The following ACTR1A variants were observed in gnomAD, a reference collection of about 807,000 sequenced individuals.
ACTR1A encodes alpha-centractin.
A neutral mutation model predicts 50.7 loss-of-function variants in ACTR1A; 10 were observed. That is an observed-to-expected ratio of 0.20 (90% CI 0.12 to 0.33). The LOEUF is 0.33. Among genes scored for constraint, ACTR1A ranks in the 10% least tolerant of loss-of-function variants. The pLI, the probability that ACTR1A is intolerant of heterozygous loss-of-function variation, is 1.00. For missense variants in ACTR1A, 253 were observed against 491.7 expected, an observed-to-expected ratio of 0.51 and a Z score of 4.59; for synonymous variants, 177 against 184.2, an observed-to-expected ratio of 0.96 and a Z score of 0.32.
At chr10:102,493,505 A>T (rs1423618186) in intron 1 of ACTR1A, among the ~76,000 whole-genome samples, 1 of 152,240 alleles carries the variant, frequency 6.6e-6, no homozygotes, top group Non-Finnish European at 1.5e-5. Context: ...TTATGAAGTC[A>T]GATTTGTTTT....
chr10:102,498,336 TTA>T (rs1239735148), intron 1 of ACTR1A, among the ~76,000 whole-genome samples: 14 of 151,570 alleles, frequency 9.2e-5, no homozygotes, highest in African/African-American at 1.7e-4. Flanking sequence ...TTTTTTTTTT[TTA>T]AAGGGGGCTG....
chr10:102,497,171 G>GAAAAAA (rs968687001), intron 1 of ACTR1A, among the ~76,000 whole-genome samples: 4 of 69,766 alleles, frequency 5.7e-5, no homozygotes, highest in East Asian at 4.0e-4. Flanking sequence ...TCCATCTCAG[G>GAAAAAA]AAAAAAAAAA....
At chr10:102,502,052 C>A (rs557558606) in intron 1 of ACTR1A, among the ~76,000 whole-genome samples, 1 of 152,338 alleles carries the variant, frequency 6.6e-6, no homozygotes, top group African/African-American at 2.4e-5. Context: ...AAAACTTAGC[C>A]GTTCTCCACC....
rs760796200 is a variant in ACTR1A, at chr10:102,502,690, G to A, written c.-43C>T. The A allele has an allele frequency of 6.2e-7, 1 of 1,610,522 alleles. No homozygotes were observed. The highest frequency in any genetic ancestry group is 8.5e-7 in the Non-Finnish European group (1 of 1,177,198). ...TTCTGGGGAAGGAACTGCCCAGCCG[G>A]GTCCGCCGCTAGCGCCACTGACACG... On this transcript the variant is annotated 5_prime_UTR_variant, in exon 1 of 11. Transcript: ENST00000369905.
rs1346692929 is a variant in ACTR1A, at chr10:102,479,690, C to T, written c.*1173G>A. 7.8e-7 allele frequency: 1 copy of T among 1,289,128 alleles called. No individual in the cohort carries two copies. Among genetic ancestry groups the T allele is most frequent in the African/African-American group, 1.5e-5 (1 of 65,874 alleles). The allele number at this position is 1,289,128 out of a possible 1,614,324, so 79.9% of individuals were successfully genotyped here. A position where few individuals can be genotyped will look rare whatever the true frequency, so the allele number is the denominator to read the frequency against. On this transcript the variant is annotated 3_prime_UTR_variant, in exon 11 of 11. Coordinates refer to ENST00000369905, the MANE Select transcript of ACTR1A (RefSeq NM_005736.4). The surrounding 1 kb of genome is among the most constrained non-coding windows in gnomAD (Gnocchi z 4.0). ...GAGGGGGCCTTCCCACCTCTACAAC[C>T]TAGTCCCCTGGTCAGCTACAGTGGC...
rs398014648 is a variant in ACTR1A at position 102,493,001 on chromosome 10, C to CAAAAAAAAAAAAAAAAAAAA, written c.49-2408_49-2389dup. On this transcript the variant is annotated intron_variant, in intron 1 of 10. Coordinates refer to ENST00000369905, the MANE Select transcript of ACTR1A (RefSeq NM_005736.4). ...AGGGAGACAGAGTGAGACTCCACCT[C>CAAAAAAAAAAAAAAAAAAAA]AAAAAAAAAAAAAAAAAAAAAAAGA... 9.6e-3 allele frequency among the ~76,000 whole-genome samples: 470 copies of CAAAAAAAAAAAAAAAAAAAA among 48,902 alleles called. 80 individuals are homozygous for CAAAAAAAAAAAAAAAAAAAA. Among genetic ancestry groups the CAAAAAAAAAAAAAAAAAAAA allele is most frequent in the Non-Finnish European group, 0.012 (352 of 29,652 alleles). The allele number at this position is 48,902 out of a possible 152,430, so 32.1% of individuals were successfully genotyped here.
rs1257064010 is a variant in ACTR1A, at chr10:102,488,409, G to C, written c.190-134C>G. 1 of 1,302,584 alleles carries C rather than the reference G, an allele frequency of 7.7e-7. No homozygotes were observed. The highest frequency in any genetic ancestry group is 1.1e-6 in the Non-Finnish European group (1 of 934,860). 80.7% of individuals were successfully genotyped at this position (1,302,584 alleles called of 1,614,324 possible). On this transcript the variant is annotated intron_variant, in intron 3 of 10. Transcript: ENST00000369905. The surrounding 1 kb of genome is among the most constrained non-coding windows in gnomAD (Gnocchi z 4.4). ...CCTGAGCTTCCACCCTGCTGTCCTT[G>C]CCCAGGGCTAAGGGTGGGCACTCAT...
intron 6 of ACTR1A, 109 bp downstream of exon 6, chr10:102,484,051 G>A (rs2062155273): frequency 9.7e-7 from 1 of 1,033,624 alleles, no homozygotes; most frequent in African/African-American, 1.6e-5. Flanking sequence ...GGCCTCACCA[G>A]GGACCCCCAG....
intron 1 of ACTR1A, among the ~76,000 whole-genome samples, chr10:102,491,433 G>C (rs1408852854): frequency 1.3e-5 from 2 of 152,206 alleles, no homozygotes; most frequent in South Asian, 4.1e-4. Flanking sequence ...CATGGAACAC[G>C]TGCTGTCTGG....
At chr10:102,481,062 T>G in intron 10 of ACTR1A, 70 bp downstream of exon 10, 1 of 1,589,814 alleles carries the variant, frequency 6.3e-7, no homozygotes, top group Non-Finnish European at 8.6e-7. Context: ...GGCTTTTCTT[T>G]AGAGGGTGCT....
At chr10:102,490,232 CAAAAAAAAAA>C (rs145472595) in intron 2 of ACTR1A, among the ~76,000 whole-genome samples, 2 of 45,728 alleles carry the variant, frequency 4.4e-5, no homozygotes, top group Non-Finnish European at 8.6e-5. Context: ...GACTCCGTCT[CAAAAAAAAAA>C]AAAAAAAAAA....
At chr10:102,498,058 C>G (rs1301687829) in intron 1 of ACTR1A, among the ~76,000 whole-genome samples, 1 of 151,056 alleles carries the variant, frequency 6.6e-6, no homozygotes, top group Non-Finnish European at 1.5e-5. Context: ...GCCAATGAGC[C>G]CCAACCTGGG....
intron 4 of ACTR1A, among the ~76,000 whole-genome samples, chr10:102,486,287 C>A (rs1434876690): frequency 1.3e-5 from 2 of 152,160 alleles, no homozygotes; most frequent in African/African-American, 4.8e-5. Context: ...GGAACAGCTT[C>A]ATCCTGAAAC....
At chr10:102,494,322 C>G (rs2062209310) in intron 1 of ACTR1A, among the ~76,000 whole-genome samples, 1 of 151,742 alleles carries the variant, frequency 6.6e-6, no homozygotes, top group Non-Finnish European at 1.5e-5. Context: ...ATGGAGAAAC[C>G]CCATCACTAC....
intron 1 of ACTR1A, among the ~76,000 whole-genome samples, chr10:102,496,549 A>G (rs2062223523): frequency 6.6e-6 from 1 of 152,228 alleles, no homozygotes; most frequent in Non-Finnish European, 1.5e-5. Flanking sequence ...ACATAATTGA[A>G]CAGTGAAAAT....
intron 1 of ACTR1A, among the ~76,000 whole-genome samples, chr10:102,492,165 G>A (rs1385604771): frequency 1.4e-5 from 2 of 146,236 alleles, no homozygotes; most frequent in Non-Finnish European, 3.0e-5. Flanking sequence ...CCACCTCCTG[G>A]GTTCAAGCGA....
Position 102,479,554 on chromosome 10 carries a change from G to T in ACTR1A, c.*1309C>A. The T allele has an allele frequency of 8.9e-6, 11 of 1,241,470 alleles. No individual in the cohort carries two copies. Among genetic ancestry groups the T allele is most frequent in the Non-Finnish European group, 1.1e-5 (10 of 948,160 alleles). The allele number at this position is 1,241,470 out of a possible 1,614,324, so 76.9% of individuals were successfully genotyped here. On this transcript the variant is annotated 3_prime_UTR_variant, in exon 11 of 11. Transcript: ENST00000369905. The surrounding 1 kb of genome is among the most constrained non-coding windows in gnomAD (Gnocchi z 4.0). The stretch of plus-strand genomic sequence containing the variant: ...GCACCATCTAGGCTGAAGGCCTTTG[G>T]ACCACTCCTAGGAGTCAGGCCTGGC...
Position 102,483,226 on chromosome 10 carries a change from C to CT in ACTR1A, c.658-124dup, listed in dbSNP as rs1172474113. 1.0e-5 allele frequency: 8 copies of CT among 772,372 alleles called. No homozygotes were observed. In the Admixed American group the frequency reaches 1.3e-4, roughly 13 times the overall value. The allele number at this position is 772,372 out of a possible 1,614,324, so 47.8% of individuals were successfully genotyped here. A position where few individuals can be genotyped will look rare whatever the true frequency, so the allele number is the denominator to read the frequency against. On this transcript the variant is annotated intron_variant, in intron 6 of 10. Transcript: ENST00000369905. ...AACGTTGTGATGGCCCCAATGGTCA[C>CT]TATAGCTGCTGCCCAGAAGCAGGGG...
intron 4 of ACTR1A, among the ~76,000 whole-genome samples, chr10:102,486,154 C>T (rs2062167155): frequency 6.6e-6 from 1 of 152,198 alleles, no homozygotes. Context: ...TGAGCTCCAC[C>T]TCCCATCAGA....
Sources: gnomAD v4.1 joint callset for allele counts (sites outside exome capture counted in the v4.1 genomes callset) on GRCh38, gnomAD v4.1.1 for gene constraint, Gnocchi (gnomAD v3.1) non-coding constraint, MANE v1.5 for transcripts, NCBI Gene and HGNC (gene_info 2026-07-23, HGNC 2026-07-21) for gene names.